UBE3C: variants seen among roughly 807,000 people sequenced by gnomAD.
UBE3C encodes the protein ubiquitin-protein ligase E3C.
UBE3C carries 42 observed loss-of-function variants against 129.4 expected under a neutral mutation model. The ratio of observed to expected loss-of-function variants is 0.32; its 90% CI spans 0.25 to 0.42. The LOEUF (loss-of-function observed/expected upper bound fraction) is 0.42, where lower values mean the gene tolerates loss of function less well. Ranked by LOEUF, UBE3C falls within the 10% of genes least tolerant of loss-of-function variation. The pLI is 1.00. For synonymous variants in UBE3C, 510 were observed against 492.4 expected (o/e 1.04, Z -0.47); for missense variants, 1,049 against 1,319.1 (o/e 0.80, Z 3.17).
At chr7:157,249,823 T>A (rs1256160318) in intron 19 of UBE3C, among the ~76,000 whole-genome samples, 1 of 152,118 alleles carries the variant, frequency 6.6e-6, no homozygotes, top group Non-Finnish European at 1.5e-5. Flanking sequence ...TATTAATGAG[T>A]TAGTAACATC....
Position 157,145,023 on chromosome 7 carries a change from G to T in UBE3C, c.66+5685G>T, listed in dbSNP as rs1047523928. 2.0e-5 allele frequency among the ~76,000 whole-genome samples: 3 copies of T among 152,232 alleles called. No homozygotes were observed. The South Asian group carries it at 6.2e-4, about 32-fold the overall frequency. On this transcript the variant is annotated intron_variant, in intron 1 of 22. Coordinates refer to ENST00000348165, the MANE Select transcript of UBE3C (RefSeq NM_014671.3). ...TGGCCAGGTGTGGTGGCTAATGCCT[G>T]TAATCCCAGCACTTTAGGAGGCCGA... is the stretch of plus-strand genomic sequence containing the variant.
chr7:157,182,366 A>C, intron 8 of UBE3C, 38 bp downstream of exon 8: 5 of 1,592,550 alleles, frequency 3.1e-6, no homozygotes, highest in Non-Finnish European at 4.3e-6. Context: ...GAACACACAT[A>C]TGGGTAGCAT....
At chr7:157,190,685 T>A (rs1808936020) in intron 10 of UBE3C, among the ~76,000 whole-genome samples, 1 of 152,204 alleles carries the variant, frequency 6.6e-6, no homozygotes, top group South Asian at 2.1e-4. Context: ...CCCTGATTAT[T>A]GCATTCTCTT....
intron 19 of UBE3C, 113 bp from the exon 20 acceptor site, chr7:157,253,841 C>G (rs1347709924): frequency 6.7e-6 from 7 of 1,044,340 alleles, no homozygotes; most frequent in Non-Finnish European, 9.5e-6. Context: ...TATTTAGATT[C>G]TTGTTCACAA....
At chr7:157,171,079 C>T (rs963912500) in intron 4 of UBE3C, among the ~76,000 whole-genome samples, 1 of 151,696 alleles carries the variant, frequency 6.6e-6, no homozygotes, top group Admixed American at 6.6e-5. Flanking sequence ...TCTCAAAGTG[C>T]TGGAATTATA....
At chr7:157,235,608 C>A (rs562135849) in intron 18 of UBE3C, among the ~76,000 whole-genome samples, 2 of 152,058 alleles carry the variant, frequency 1.3e-5, no homozygotes, top group African/African-American at 2.4e-5. Context: ...ACAGAAGATC[C>A]AGGGAAGAGA....
intron 11 of UBE3C, among the ~76,000 whole-genome samples, chr7:157,202,608 G>C (rs1225091897): frequency 6.6e-6 from 1 of 152,124 alleles, no homozygotes; most frequent in East Asian, 1.9e-4. Flanking sequence ...AGTGAGTCGA[G>C]ATCATGCCAC....
intron 4 of UBE3C, among the ~76,000 whole-genome samples, chr7:157,174,168 G>A (rs184716205): frequency 6.6e-6 from 1 of 152,284 alleles, no homozygotes; most frequent in East Asian, 1.9e-4. Context: ...TTCGAGACCA[G>A]CCTGGCCAAC....
intron 18 of UBE3C, among the ~76,000 whole-genome samples, chr7:157,238,461 G>A (rs1330449759): frequency 6.6e-6 from 1 of 152,174 alleles, no homozygotes; most frequent in African/African-American, 2.4e-5. Flanking sequence ...CATATTCAAG[G>A]AGATTTGCTG....
chr7:157,252,546 CGTTCAA>C (rs898858883), intron 19 of UBE3C, among the ~76,000 whole-genome samples: 1 of 152,188 alleles, frequency 6.6e-6, no homozygotes, highest in Non-Finnish European at 1.5e-5. Context: ...GTAAGTTGAA[CGTTCAA>C]GTTCAATTTG....
At chr7:157,232,502 A>G (rs1469365735) in intron 18 of UBE3C, among the ~76,000 whole-genome samples, 2 of 152,070 alleles carry the variant, frequency 1.3e-5, no homozygotes, top group Admixed American at 6.6e-5. Context: ...GGTGTGCACC[A>G]CCACGCCCAG....
intron 1 of UBE3C, among the ~76,000 whole-genome samples, chr7:157,160,414 T>C (rs1217940584): frequency 6.6e-6 from 1 of 152,184 alleles, no homozygotes; most frequent in African/African-American, 2.4e-5. Context: ...TTCATTGTAT[T>C]TAATTTGGGG....
At chr7:157,140,415 G>C (rs943652849) in intron 1 of UBE3C, among the ~76,000 whole-genome samples, 1 of 152,198 alleles carries the variant, frequency 6.6e-6, no homozygotes, top group African/African-American at 2.4e-5. Context: ...TTTCAGCTTT[G>C]AGGTTCGTGT....
intron 1 of UBE3C, among the ~76,000 whole-genome samples, chr7:157,161,442 T>G (rs1276986804): frequency 6.9e-6 from 1 of 145,334 alleles, no homozygotes; most frequent in East Asian, 2.0e-4. Context: ...AGGATTAATT[T>G]CTTTGATTTT....
In UBE3C at chr7:157,139,308, C is replaced by A; in HGVS notation, c.36C>A (p.Pro12=). The A allele has an allele frequency of 6.3e-7, 1 of 1,584,160 alleles. No individual in the cohort carries two copies. Among genetic ancestry groups the A allele is most frequent in the African/African-American group, 1.4e-5 (1 of 72,476 alleles). The part of the protein sequence containing the change: ...FSFEGDFKTR[P]KVSLGGASRK... The stretch of plus-strand genomic sequence containing the variant: ...TCGAAGGCGACTTCAAGACGCGGCC[C>A]AAGGTGTCCCTTGGCGGCGCGAGCA... The change falls in exon 1 of 23, where the codon CCC becomes CCA. Residue 12 remains proline (P), a synonymous_variant. Coordinates refer to ENST00000348165, the MANE Select transcript of UBE3C (RefSeq NM_014671.3).
At chr7:157,148,018 G>A (rs1014598265) in intron 1 of UBE3C, among the ~76,000 whole-genome samples, 2 of 152,130 alleles carry the variant, frequency 1.3e-5, no homozygotes, top group Non-Finnish European at 2.9e-5. Flanking sequence ...TCTTTGTCTG[G>A]TTTGGTATTA....
chr7:157,143,003 G>A (rs1339238185), intron 1 of UBE3C, among the ~76,000 whole-genome samples: 2 of 152,006 alleles, frequency 1.3e-5, no homozygotes, highest in African/African-American at 4.8e-5. Flanking sequence ...GGGTAGCTGG[G>A]ATTACAGGCC....
At chr7:157,160,143 C>G (rs1808029434) in intron 1 of UBE3C, among the ~76,000 whole-genome samples, 1 of 150,646 alleles carries the variant, frequency 6.6e-6, no homozygotes, top group South Asian at 2.1e-4. Flanking sequence ...GGCATGATTT[C>G]GGCTCACTGC....
chr7:157,177,004 A>G (rs993205884), intron 5 of UBE3C, among the ~76,000 whole-genome samples: 2 of 152,192 alleles, frequency 1.3e-5, no homozygotes, highest in African/African-American at 2.4e-5. Context: ...AGCTCCTTTT[A>G]TGACTAATCA....
Sources: gnomAD v4.1 joint callset for allele counts (sites outside exome capture counted in the v4.1 genomes callset) on GRCh38, gnomAD v4.1.1 for gene constraint, MANE v1.5 for transcripts, NCBI Gene and HGNC (gene_info 2026-07-23, HGNC 2026-07-21) for gene names.